Variants in DHRS4 observed in about 807,000 individuals in gnomAD.
DHRS4 encodes the protein dehydrogenase/reductase 4, also known as dehydrogenase/reductase SDR family member 4.
In DHRS4, 20 loss-of-function variants were observed where a neutral mutation model predicts 28.4. That is an observed-to-expected ratio of 0.71 (90% CI 0.50 to 1.02). The LOEUF is 1.02. Among genes scored for constraint, DHRS4 ranks in the 50% least tolerant of loss-of-function variants. The pLI is 0.00. For missense variants in DHRS4, 378 were observed against 367.2 expected, an observed-to-expected ratio of 1.03 and a Z score of -0.24; for synonymous variants, 144 against 146.4, an observed-to-expected ratio of 0.98 and a Z score of 0.12.
chr14:23,964,766 G>A (rs1343262372), intron 3 of DHRS4, among the ~76,000 whole-genome samples: 2 of 143,336 alleles, frequency 1.4e-5, no homozygotes, highest in Non-Finnish European at 3.0e-5. Context: ...TAGTACAGAC[G>A]AGGTTTGCCA....
chr14:23,964,220 TAAAAAA>T (rs71119059), intron 3 of DHRS4, among the ~76,000 whole-genome samples: 70 of 34,442 alleles, frequency 2.0e-3, no homozygotes, highest in African/African-American at 2.7e-3. Flanking sequence ...CTGCAATTTG[TAAAAAA>T]AAAAAAAAAA....
chr14:23,956,319 C>G (rs2033147693), intron 2 of DHRS4, among the ~76,000 whole-genome samples: 1 of 148,398 alleles, frequency 6.7e-6, no homozygotes, highest in African/African-American at 2.6e-5. Context: ...ATGTGAAAAT[C>G]CTCCCGGAAA....
In DHRS4 at chr14:23,966,267, T is replaced by G; in HGVS notation, c.532-16T>G. On this transcript the variant is annotated splice_polypyrimidine_tract_variant and intron_variant, in intron 5 of 7. Coordinates refer to ENST00000313250, the MANE Select transcript of DHRS4 (RefSeq NM_021004.4). Reference sequence around the variant, plus strand: ...CCTGGAAACTATGAGTCTAACACATTCTCTTCTTTCTCCAGGGCTTCAGTC... The same window carrying G: ...CCTGGAAACTATGAGTCTAACACATGCTCTTCTTTCTCCAGGGCTTCAGTC... 6.2e-7 allele frequency: 1 copy of G among 1,608,188 alleles called. No homozygotes were observed. Among genetic ancestry groups the G allele is most frequent in the Non-Finnish European group, 8.5e-7 (1 of 1,177,194 alleles).
Position 23,966,365 on chromosome 14 carries a change from T to A in DHRS4, c.614T>A (p.Ile205Asn). ...TLAIELAPRN[I>N]RVNCLAPGLI... ...GCCATAGAGCTGGCCCCAAGGAACA[T>A]TAGGGTGAACTGCCTAGCACCTGGA... The change falls in exon 6 of 8, where the codon ATT becomes AAT. Residue 205 changes from isoleucine (I) to asparagine (N), a missense_variant. Coordinates refer to ENST00000313250, the MANE Select transcript of DHRS4 (RefSeq NM_021004.4). 1 of 1,613,968 alleles carries A rather than the reference T, an allele frequency of 6.2e-7. No homozygotes were observed. Among genetic ancestry groups the A allele is most frequent in the Non-Finnish European group, 8.5e-7 (1 of 1,180,006 alleles).
At chr14:23,954,176 A>T (rs1442489370) in intron 1 of DHRS4, 2 of 493,440 alleles carry the variant, frequency 4.1e-6, no homozygotes, top group Non-Finnish European at 7.1e-6. Context: ...TAGTCTCCCC[A>T]GTGTTCTGGG....
At chr14:23,954,169 T>A (rs775615073) in intron 1 of DHRS4, 78 of 527,142 alleles carry the variant, frequency 1.5e-4, no homozygotes, top group Non-Finnish European at 9.6e-5. Flanking sequence ...ATCGATCTAG[T>A]CTCCCCAGTG....
chr14:23,960,456 G>T (rs981266675), intron 3 of DHRS4, among the ~76,000 whole-genome samples: 1 of 151,906 alleles, frequency 6.6e-6, no homozygotes, highest in Non-Finnish European at 1.5e-5. Flanking sequence ...CTGGTGAAAT[G>T]ACCAGTTGCC....
At position 23,955,165 on chromosome 14, in the gene DHRS4, G is replaced by A. The variant is rs375092227; in HGVS notation, c.259G>A (p.Val87Met). The change falls in exon 2 of 8, where the codon GTG (valine) becomes ATG (methionine). Residue 87 changes from valine (V) to methionine (M), a missense_variant. Physicochemically the swap from Val to Met is conservative, Grantham distance 21. Transcript: ENST00000313250. ...GGAGGGGCTGAGCGTGACGGGCACCGTGTGCCATGTGGGGAAGGCGGAGGA... is the reference window on the plus strand; with the variant it reads ...GGAGGGGCTGAGCGTGACGGGCACCATGTGCCATGTGGGGAAGGCGGAGGA... ...QGEGLSVTGT[V>M]CHVGKAEDRE... 7.4e-6 allele frequency: 12 copies of A among 1,613,726 alleles called. 1 individual carries two copies. Among genetic ancestry groups the A allele is most frequent in the Admixed American group, 6.7e-5 (4 of 59,984 alleles).
chr14:23,956,760 C>T lies in DHRS4; in HGVS notation c.306+1548C>T, dbSNP rs1310494813. On this transcript the variant is annotated intron_variant, in intron 2 of 7. Transcript: ENST00000313250. The stretch of plus-strand genomic sequence containing the variant: ...CTAGGATTACAGGCATCCACCACCA[C>T]GTCCAGCTAATTTTTGTATTTTTGG... 3.8e-3 allele frequency among the ~76,000 whole-genome samples: 573 copies of T among 152,160 alleles called. 2 individuals are homozygous for T. The highest frequency in any genetic ancestry group is 0.013 in the African/African-American group (542 of 41,492).
intron 7 of DHRS4, 71 bp from the exon 8 acceptor site, chr14:23,968,686 C>T: frequency 6.3e-7 from 1 of 1,577,130 alleles, no homozygotes; most frequent in Non-Finnish European, 8.6e-7. Context: ...AAATTTAACT[C>T]CCTGTGTCCC....
intron 3 of DHRS4, among the ~76,000 whole-genome samples, chr14:23,964,795 C>T (rs1449756596): frequency 4.1e-5 from 6 of 146,908 alleles, no homozygotes; most frequent in Non-Finnish European, 6.0e-5. Context: ...AGGCTGTTCT[C>T]GAACTCCTGA....
intron 2 of DHRS4, among the ~76,000 whole-genome samples, chr14:23,959,291 T>C (rs1292607134): frequency 6.6e-6 from 1 of 152,134 alleles, no homozygotes; most frequent in South Asian, 2.1e-4. Flanking sequence ...GCCAACTTCC[T>C]GGTGGGTCGC....
intron 2 of DHRS4, among the ~76,000 whole-genome samples, chr14:23,959,670 T>TTTG (rs1402202534): frequency 1.3e-5 from 2 of 151,304 alleles, no homozygotes; most frequent in Non-Finnish European, 2.9e-5. Flanking sequence ...GTAGGAAGAT[T>TTTG]TTGTTGTCAT....
chr14:23,960,726 G>A (rs566881870), intron 3 of DHRS4, among the ~76,000 whole-genome samples: 2,675 of 152,114 alleles, frequency 0.018, 52 homozygotes, highest in Non-Finnish European at 0.03. Context: ...TAATTTTTAT[G>A]ATCTCCCATG....
chr14:23,964,219 G>C (rs1398520185), intron 3 of DHRS4, among the ~76,000 whole-genome samples: 2 of 15,750 alleles, frequency 1.3e-4, no homozygotes, highest in Non-Finnish European at 2.2e-4. Flanking sequence ...ACTGCAATTT[G>C]TAAAAAAAAA....
chr14:23,966,462 C>T, intron 6 of DHRS4, 45 bp downstream of exon 6: 1 of 1,609,478 alleles, frequency 6.2e-7, no homozygotes, highest in African/African-American at 1.3e-5. Context: ...CCTTGAAAGG[C>T]ATCCATCTTC....
In DHRS4 at chr14:23,954,392, G is replaced by T. The variant is rs147169011; in HGVS notation, c.128+476G>T. On this transcript the variant is annotated intron_variant, in intron 1 of 7. Coordinates refer to ENST00000313250, the MANE Select transcript of DHRS4 (RefSeq NM_021004.4). The stretch of plus-strand genomic sequence containing the variant: ...AGCCATATGTCGAGATTTTTGTTTA[G>T]GTCGGTACATCTGGGCCGACCTTGC... Among the ~76,000 whole-genome samples, 25 of 152,222 alleles carry T rather than the reference G, an allele frequency of 1.6e-4. 1 individual carries two copies. The East Asian group carries it at 4.5e-3, about 27-fold the overall frequency.
In DHRS4 at chr14:23,965,978, T is replaced by C. The variant is rs768961778; in HGVS notation, c.526T>C (p.Ser176Pro). 2 of 1,610,578 alleles carry C rather than the reference T, an allele frequency of 1.2e-6. No individual in the cohort carries two copies. The highest frequency in any genetic ancestry group is 1.7e-6 in the Non-Finnish European group (2 of 1,177,830). ...GTCTTCCATAGCAGCCTTCAGTCCA[T>C]CTCCTGTAAGAACCCTTTTGTCTAC... ...IVSSIAAFSP[S>P]PGFSPYNVSK... is the part of the protein sequence containing the mutation. Residue 176 changes from serine to proline, a missense_variant, in exon 5 of 8, where the codon TCT (serine) becomes CCT (proline). Physicochemically the swap from Ser to Pro is moderately conservative, Grantham distance 74. Coordinates refer to ENST00000313250, the MANE Select transcript of DHRS4 (RefSeq NM_021004.4).
At chr14:23,960,095 G>T (rs1052899112) in intron 3 of DHRS4, 92 bp downstream of exon 3, 15 of 1,259,108 alleles carry the variant, frequency 1.2e-5, no homozygotes, top group African/African-American at 1.5e-5. Flanking sequence ...ATTTCTCAAG[G>T]GCAGTGTAAA....
Sources: allele counts gnomAD v4.1 joint callset (sites outside exome capture counted in the v4.1 genomes callset), GRCh38; gene constraint gnomAD v4.1.1; transcripts MANE v1.5; gene names NCBI Gene and HGNC (gene_info 2026-07-23, HGNC 2026-07-21).